TDRD9: variants seen among roughly 807,000 people sequenced by gnomAD.
The protein encoded by TDRD9 is tudor domain containing 9, also known as ATP-dependent RNA helicase TDRD9.
Under a neutral mutation model 172.6 loss-of-function variants are expected in TDRD9, and 124 were observed. The observed-to-expected ratio is 0.72, with a 90% confidence interval of 0.62 to 0.83. TDRD9 has a LOEUF of 0.83. Among genes scored for constraint, TDRD9 ranks in the 40% least tolerant of loss-of-function variants. The pLI is 0.00. For missense variants in TDRD9, 1,479 were observed against 1,714.1 expected, an observed-to-expected ratio of 0.86 and a Z score of 2.42; for synonymous variants, 619 against 617.1, an observed-to-expected ratio of 1.00 and a Z score of -0.05.
At chr14:103,938,081 T>C (rs2030890769) in intron 1 of TDRD9, among the ~76,000 whole-genome samples, 2 of 152,058 alleles carry the variant, frequency 1.3e-5, no homozygotes, top group South Asian at 4.1e-4. Context: ...TCATCTGTCA[T>C]ATGGGGATAG....
intron 20 of TDRD9, among the ~76,000 whole-genome samples, chr14:104,010,094 C>T (rs1446002679): frequency 2.6e-5 from 4 of 151,784 alleles, no homozygotes; most frequent in South Asian, 2.1e-4. Context: ...TACAGGTGTG[C>T]GTCACCACGC....
intron 6 of TDRD9, among the ~76,000 whole-genome samples, chr14:103,971,370 T>A (rs1336901804): frequency 6.6e-6 from 1 of 151,764 alleles, no homozygotes; most frequent in African/African-American, 2.4e-5. Context: ...AGTGGTGCGA[T>A]CTCAGCTCAC....
At chr14:104,044,429 G>A (rs1216819719) in intron 34 of TDRD9, among the ~76,000 whole-genome samples, 2 of 152,216 alleles carry the variant, frequency 1.3e-5, no homozygotes, top group Non-Finnish European at 2.9e-5. Flanking sequence ...CAGTAAAGCT[G>A]TGTTGAGGAT....
At chr14:103,991,282 T>G in intron 9 of TDRD9, 58 bp downstream of exon 9, 1 of 1,565,630 alleles carries the variant, frequency 6.4e-7, no homozygotes, top group Non-Finnish European at 8.8e-7. Flanking sequence ...GAGGCTAAGT[T>G]TGTGCCTAAC....
chr14:104,035,916 C>T lies in TDRD9; in HGVS notation c.3716+860C>T, dbSNP rs139784023. Among the ~76,000 whole-genome samples, 455 of 151,952 alleles carry T rather than the reference C, an allele frequency of 3.0e-3. 4 individuals carry two copies. The highest frequency in any genetic ancestry group is 0.011 in the African/African-American group (441 of 41,444). On this transcript the variant is annotated intron_variant, in intron 32 of 35. Transcript: ENST00000409874. ...GTCAAGGCAGGTGGAAGGGCCCCAC[C>T]GTTTACTCAGTCCTTTTTGCCATTA... is the stretch of plus-strand genomic sequence containing the variant.
chr14:103,948,936 C>G (rs1312993698), intron 1 of TDRD9, among the ~76,000 whole-genome samples: 1 of 150,364 alleles, frequency 6.7e-6, no homozygotes, highest in Non-Finnish European at 1.5e-5. Flanking sequence ...CTCTGTGATT[C>G]CACTTATATG....
chr14:104,051,318 T>C (rs531682490), intron 35 of TDRD9, among the ~76,000 whole-genome samples: 4 of 152,368 alleles, frequency 2.6e-5, no homozygotes, highest in African/African-American at 9.6e-5. Context: ...TTCCATGGTA[T>C]GTGTGTACCA....
In TDRD9 at chr14:104,007,250, G is replaced by T. The variant is rs778857760; in HGVS notation, c.2052+46G>T. 11 of 1,578,210 alleles carry T rather than the reference G, an allele frequency of 7.0e-6. No individual in the cohort carries two copies. In the East Asian group the frequency reaches 2.2e-4, roughly 32 times the overall value. On this transcript the variant is annotated intron_variant, in intron 19 of 35. Coordinates refer to ENST00000409874, the MANE Select transcript of TDRD9 (RefSeq NM_153046.3). ...TGCTTTCTAGATGGCTGGGAGTAAT[G>T]AGAGAAGGACTCTGTCTTGGTACAG...
At position 104,049,148 on chromosome 14, in the gene TDRD9, A is replaced by G. The variant is rs112416353; in HGVS notation, c.3975-460A>G. 1.0e-3 allele frequency among the ~76,000 whole-genome samples: 104 copies of G among 102,776 alleles called. 1 individual carries two copies. The highest frequency in any genetic ancestry group is 7.8e-3 in the East Asian group (26 of 3,332). 67.4% of individuals were successfully genotyped at this position (102,776 alleles called of 152,430 possible). A position where few individuals can be genotyped will look rare whatever the true frequency, so the allele number is the denominator to read the frequency against. On this transcript the variant is annotated intron_variant, in intron 34 of 35. Transcript: ENST00000409874. Reference sequence around the variant, plus strand: ...TGTGTGTGTGTGTGTGTGTGTGTGTATGTATGTATGTATGTATACAGTTTT... The same window carrying G: ...TGTGTGTGTGTGTGTGTGTGTGTGTGTGTATGTATGTATGTATACAGTTTT...
At chr14:103,987,632 G>A (rs1566762102) in intron 8 of TDRD9, among the ~76,000 whole-genome samples, 1 of 151,946 alleles carries the variant, frequency 6.6e-6, no homozygotes. Context: ...TATTTTTTCT[G>A]TTCTTTTAAA....
At chr14:103,941,526 G>A (rs1026112961) in intron 1 of TDRD9, 26 of 1,535,082 alleles carry the variant, frequency 1.7e-5, no homozygotes, top group South Asian at 2.4e-5. Flanking sequence ...ATCCACACCT[G>A]TTTTTTTCAC....
In TDRD9 at chr14:103,962,307, A is replaced by G. The variant is rs74089542; in HGVS notation, c.323-772A>G. Among the ~76,000 whole-genome samples, 288 of 152,228 alleles carry G rather than the reference A, an allele frequency of 1.9e-3. 1 individual carries two copies. The highest frequency in any genetic ancestry group is 6.8e-3 in the African/African-American group (281 of 41,534). ...GCATTCTGTTGAAATTTCAAGGAAA[A>G]GTTTTCTCTTTAACTGTTTTGGTAC... On this transcript the variant is annotated intron_variant, in intron 2 of 35. Coordinates refer to ENST00000409874, the MANE Select transcript of TDRD9 (RefSeq NM_153046.3).
At chr14:103,999,642 G>GGCATTTAATCTTTTAATTTTTCT (rs2034185928) in intron 13 of TDRD9, among the ~76,000 whole-genome samples, 1 of 125,956 alleles carries the variant, frequency 7.9e-6, no homozygotes, top group Non-Finnish European at 1.7e-5. Context: ...TTGTTTTTTA[G>GGCATTTAATCTTTTAATTTTTCT]AAAACCTTTT....
chr14:104,006,600 C>T (rs753278052), intron 16 of TDRD9, 46 bp downstream of exon 16: 2 of 1,611,250 alleles, frequency 1.2e-6, no homozygotes, highest in South Asian at 1.1e-5. Flanking sequence ...TTATATAACA[C>T]CACTCTCACA....
intron 3 of TDRD9, 132 bp downstream of exon 3, chr14:103,963,308 A>T: frequency 1.7e-6 from 1 of 593,352 alleles, no homozygotes; most frequent in East Asian, 3.2e-5. Context: ...TCTGTGGTGG[A>T]TAAGAGGAGG....
At chr14:103,941,691 G>T in intron 1 of TDRD9, 1 of 1,508,676 alleles carries the variant, frequency 6.6e-7, no homozygotes, top group Non-Finnish European at 8.8e-7. Flanking sequence ...GCCAAAAAGT[G>T]GCATTTTTAG....
chr14:104,034,437 G>A (rs923800667), intron 31 of TDRD9, among the ~76,000 whole-genome samples: 3 of 152,232 alleles, frequency 2.0e-5, no homozygotes, highest in Admixed American at 1.3e-4. Flanking sequence ...TGATCCACCC[G>A]CCTTGGCCTC....
intron 32 of TDRD9, among the ~76,000 whole-genome samples, chr14:104,038,509 T>C (rs556107021): frequency 3.9e-5 from 6 of 152,324 alleles, no homozygotes; most frequent in South Asian, 2.1e-4. Context: ...ATTTGGAGGC[T>C]GGTGGGTGTC....
intron 15 of TDRD9, among the ~76,000 whole-genome samples, chr14:104,006,023 CAAGTT>C (rs1315720393): frequency 2.0e-5 from 3 of 152,038 alleles, no homozygotes; most frequent in Non-Finnish European, 4.4e-5. Flanking sequence ...TACACTGTGT[CAAGTT>C]AAGGAAGTTT....
Sources: gnomAD v4.1 joint callset for allele counts (sites outside exome capture counted in the v4.1 genomes callset) on GRCh38, gnomAD v4.1.1 for gene constraint, MANE v1.5 for transcripts, NCBI Gene and HGNC (gene_info 2026-07-23, HGNC 2026-07-21) for gene names.